The following C5 variants were observed in gnomAD, a reference collection of about 807,000 sequenced individuals.
C5 encodes C3 and PZP-like alpha-2-macroglobulin domain-containing protein 4.
Under a neutral mutation model 218.8 loss-of-function variants are expected in C5, and 140 were observed. That is an observed-to-expected ratio of 0.64 (90% CI 0.56 to 0.74). C5 has a LOEUF of 0.74. Among genes scored for constraint, C5 ranks in the 30% least tolerant of loss-of-function variants. The probability of loss-of-function intolerance (pLI) is 0.00; values close to 1 mark genes in which losing one functional copy is unlikely to be tolerated. For synonymous variants in C5, 614 were observed against 682.3 expected (o/e 0.90, Z 1.56); for missense variants, 1,700 against 1,969.6 (o/e 0.86, Z 2.59).
chr9:121,057,024 C>T, the C5 span, among the ~76,000 whole-genome samples: 3 of 152,168 alleles, frequency 2.0e-5, no homozygotes, highest in East Asian at 1.9e-4. Context: ...AGCTCTAATA[C>T]ATCTGGCAAC....
At chr9:120,965,042 G>T (rs1454734266) in intron 33 of C5, among the ~76,000 whole-genome samples, 1 of 152,112 alleles carries the variant, frequency 6.6e-6, no homozygotes, top group Non-Finnish European at 1.5e-5. Flanking sequence ...AAAGGCAGCT[G>T]GATGTTTGAG....
intron 23 of C5, among the ~76,000 whole-genome samples, 184 bp from the exon 24 acceptor site, chr9:120,989,964 A>AC (rs1194349826): frequency 1.3e-5 from 2 of 152,068 alleles, no homozygotes; most frequent in African/African-American, 4.8e-5. Context: ...AAAGAAACAA[A>AC]AAAAAAAAAG....
chr9:121,015,287 A>T, intron 15 of C5, 26 bp from the exon 16 acceptor site: 3 of 1,497,596 alleles, frequency 2.0e-6, no homozygotes. Context: ...AAAGATAAAG[A>T]AGAAGGATTA....
chr9:120,996,405 T>A, intron 21 of C5, 105 bp from the exon 22 acceptor site: 1 of 1,037,982 alleles, frequency 9.6e-7, no homozygotes, highest in Non-Finnish European at 1.5e-6. Flanking sequence ...AAATTATTTT[T>A]CTTGGAAAAG....
chr9:121,071,869 A>AAG, the C5 span, among the ~76,000 whole-genome samples: 55 of 151,616 alleles, frequency 3.6e-4, no homozygotes, highest in Admixed American at 3.2e-3. Context: ...TTTGGAAAAA[A>AAG]GACTGAGTAA....
intron 39 of C5, among the ~76,000 whole-genome samples, chr9:120,956,406 T>C (rs1298673992): frequency 2.0e-5 from 3 of 151,954 alleles, no homozygotes; most frequent in Non-Finnish European, 4.4e-5. Flanking sequence ...AAAACACTGC[T>C]CAAAGAAATC....
chr9:120,962,022 A>G (rs1477638505), intron 36 of C5, among the ~76,000 whole-genome samples: 1 of 152,190 alleles, frequency 6.6e-6, no homozygotes, highest in Admixed American at 6.6e-5. Context: ...GGTTCACTTC[A>G]AGAATTTTCT....
upstream of C5, among the ~76,000 whole-genome samples, chr9:121,052,646 ACCTAG>A (rs778201784): frequency 4.6e-5 from 7 of 151,952 alleles, no homozygotes; most frequent in South Asian, 1.3e-3. Flanking sequence ...AGCCCAAATG[ACCTAG>A]CCTAGTGCAC....
intron 2 of C5, among the ~76,000 whole-genome samples, chr9:121,044,104 G>C (rs1254102981): frequency 6.6e-6 from 1 of 152,142 alleles, no homozygotes; most frequent in Non-Finnish European, 1.5e-5. Flanking sequence ...TGGAAAACAA[G>C]AAAAATCTAT....
chr9:120,993,881 A>T (rs879601636), intron 22 of C5, among the ~76,000 whole-genome samples: 1 of 152,132 alleles, frequency 6.6e-6, no homozygotes, highest in Non-Finnish European at 1.5e-5. Context: ...GAGTGGGTAC[A>T]CTTGGAGGAA....
intron 30 of C5, 58 bp downstream of exon 30, chr9:120,974,721 C>G (rs1203776240): frequency 5.7e-6 from 8 of 1,408,862 alleles, no homozygotes; most frequent in Middle Eastern, 1.8e-4. Context: ...AAGAGTGGAA[C>G]AGATGATTTC....
intron 25 of C5, 103 bp from the exon 26 acceptor site, chr9:120,982,917 A>C: frequency 2.8e-6 from 2 of 716,598 alleles, no homozygotes; most frequent in Non-Finnish European, 4.5e-6. Flanking sequence ...TAACATTTTA[A>C]AACATGCAAT....
chr9:121,056,862 T>C, the C5 span, among the ~76,000 whole-genome samples: 3 of 152,066 alleles, frequency 2.0e-5, no homozygotes, highest in Non-Finnish European at 2.9e-5. Flanking sequence ...GAGAAAGATA[T>C]GAATATCTAG....
In C5 at chr9:120,980,124, C is replaced by T. The variant is rs748390761; in HGVS notation, c.3617G>A (p.Arg1206His). ...TCTCTTCAAAGCTGAAACAATTGAA[C>T]GAAACTGTGGGTGAGTTTTATCTCC... is the stretch of plus-strand genomic sequence containing the variant. ...SLGDKTHPQF[R>H]SIVSALKREA... The change falls in exon 28 of 41, where the codon CGT becomes CAT. Residue 1206 changes from arginine (R) to histidine (H), a missense_variant. Transcript: ENST00000223642. 8 of 1,613,936 alleles carry T rather than the reference C, an allele frequency of 5.0e-6. No homozygotes were observed. Among genetic ancestry groups the T allele is most frequent in the African/African-American group, 2.7e-5 (2 of 74,880 alleles).
At chr9:121,011,063 T>C (rs1040854956) in intron 17 of C5, among the ~76,000 whole-genome samples, 6 of 152,286 alleles carry the variant, frequency 3.9e-5, no homozygotes, top group African/African-American at 1.4e-4. Context: ...TCTAGGACAT[T>C]GGTCTGGGCA....
chr9:121,041,056 G>T (rs899134405), intron 3 of C5, among the ~76,000 whole-genome samples: 6 of 147,234 alleles, frequency 4.1e-5, no homozygotes, highest in Non-Finnish European at 7.4e-5. Flanking sequence ...CAATTCTCAT[G>T]CCTCAGCCTC....
In C5 at chr9:121,036,883, T is replaced by G. The variant is rs181759983; in HGVS notation, c.492+998A>C. Among the ~76,000 whole-genome samples the G allele has an allele frequency of 2.0e-4, 30 of 146,836 alleles. 1 individual carries two copies. Among genetic ancestry groups the G allele is most frequent in the Admixed American group, 1.4e-3 (21 of 14,836 alleles). ...ATAAGTTTTTATTTTTATTTTTTGGTTTTTTTTTTGAGTAGCAGCAAAAGT... is the reference window on the plus strand; with the variant it reads ...ATAAGTTTTTATTTTTATTTTTTGGGTTTTTTTTTGAGTAGCAGCAAAAGT... On this transcript the variant is annotated intron_variant, in intron 4 of 40. Coordinates refer to ENST00000223642, the MANE Select transcript of C5 (RefSeq NM_001735.3).
upstream of C5, among the ~76,000 whole-genome samples, chr9:121,053,570 C>A (rs1050801954): frequency 3.9e-5 from 6 of 152,064 alleles, no homozygotes; most frequent in Non-Finnish European, 7.4e-5. Context: ...GCCATAAAAT[C>A]AGGTGAGTGA....
intron 10 of C5, 77 bp from the exon 11 acceptor site, chr9:121,021,771 T>A: frequency 8.0e-7 from 1 of 1,254,766 alleles, no homozygotes; most frequent in Non-Finnish European, 1.2e-6. Flanking sequence ...ATAATTTTCC[T>A]TCCTCCCCAC....
Sources: allele counts gnomAD v4.1 joint callset (sites outside exome capture counted in the v4.1 genomes callset), GRCh38; gene constraint gnomAD v4.1.1; transcripts MANE v1.5; gene names NCBI Gene and HGNC (gene_info 2026-07-23, HGNC 2026-07-21).